DOCK1: variants seen among roughly 807,000 people sequenced by gnomAD.
The protein encoded by DOCK1 is dedicator of cytokinesis 1.
In DOCK1, 138 loss-of-function variants were observed where a neutral mutation model predicts 262.7. That is an observed-to-expected ratio of 0.53 (90% CI 0.46 to 0.61). The LOEUF is 0.61. DOCK1 is among the 20% of genes least tolerant of loss of function. The pLI is 0.00. For synonymous variants in DOCK1, 866 were observed against 867.4 expected (o/e 1.00, Z 0.03); for missense variants, 1,908 against 2,370.7 (o/e 0.80, Z 4.05).
chr10:127,184,321 C>A (rs533613747), intron 27 of DOCK1, among the ~76,000 whole-genome samples: 1 of 151,042 alleles, frequency 6.6e-6, no homozygotes, highest in African/African-American at 2.4e-5. Context: ...ATTCCCCCCC[C>A]AGTCTAATCC....
chr10:127,037,773 A>C lies in DOCK1; in HGVS notation c.1967A>C (p.Asn656Thr), dbSNP rs2135583262. 3.1e-6 allele frequency: 5 copies of C among 1,602,146 alleles called. No individual in the cohort carries two copies. Among genetic ancestry groups the C allele is most frequent in the East Asian group, 2.2e-5 (1 of 44,564 alleles). ...TCCAACACCAGCCTGCTGCAGCAGAACTTGAGGCAGCTGATGAAAGTCGAT... is the reference window on the plus strand; with the variant it reads ...TCCAACACCAGCCTGCTGCAGCAGACCTTGAGGCAGCTGATGAAAGTCGAT... ...WRSNTSLLQQNLRQLMKVDGG... is the reference protein window; with the variant it reads ...WRSNTSLLQQTLRQLMKVDGG... The change falls in exon 19 of 52, where the codon AAC becomes ACC. Residue 656 changes from asparagine (N) to threonine (T), a missense_variant. Asn to Thr is a moderately conservative substitution (Grantham distance 65, BLOSUM62 0). This residue lies in a region of DOCK1 where 294 missense variants were observed against 439.9 expected (regional missense o/e 0.67). Coordinates refer to ENST00000623213, the MANE Select transcript of DOCK1 (RefSeq NM_001290223.2).
intron 29 of DOCK1, among the ~76,000 whole-genome samples, chr10:127,308,614 C>T (rs1055817546): frequency 2.4e-4 from 37 of 152,112 alleles, no homozygotes; most frequent in African/African-American, 8.7e-4. Context: ...GGCCCTGGTA[C>T]GCGTTGTTCT....
chr10:127,048,594 T>C (rs541917645), intron 21 of DOCK1, among the ~76,000 whole-genome samples: 32 of 152,332 alleles, frequency 2.1e-4, no homozygotes, highest in African/African-American at 7.7e-4. Flanking sequence ...CCAAAGGTCT[T>C]AACAATGCCT....
chr10:127,195,117 G>T (rs972038271), intron 27 of DOCK1, among the ~76,000 whole-genome samples: 1 of 152,204 alleles, frequency 6.6e-6, no homozygotes, highest in East Asian at 1.9e-4. Context: ...TTTTTGGGTA[G>T]TAGAATGCTG....
chr10:127,054,764 A>C (rs898151097), intron 22 of DOCK1, among the ~76,000 whole-genome samples: 1 of 152,164 alleles, frequency 6.6e-6, no homozygotes, highest in African/African-American at 2.4e-5. Flanking sequence ...AAAAATGTTA[A>C]TTTTGTGCAG....
In DOCK1 at chr10:127,447,276, G is replaced by T; in HGVS notation, c.5414-118G>T. The T allele has an allele frequency of 2.1e-6, 3 of 1,436,768 alleles. No individual in the cohort carries two copies. The South Asian group carries it at 3.9e-5, about 18-fold the overall frequency. 89.0% of individuals were successfully genotyped at this position (1,436,768 alleles called of 1,614,324 possible). On this transcript the variant is annotated intron_variant, in intron 50 of 51. Coordinates refer to ENST00000623213, the MANE Select transcript of DOCK1 (RefSeq NM_001290223.2). Reference sequence around the variant, plus strand: ...TCTGCTCTGTTGACAAACGTTTTCTGCCAGATGAAGTGTTTCTGCTGTGCC... The same window carrying T: ...TCTGCTCTGTTGACAAACGTTTTCTTCCAGATGAAGTGTTTCTGCTGTGCC...
At chr10:127,136,607 A>C (rs1273252465) in intron 27 of DOCK1, 1 of 152,674 alleles carries the variant, frequency 6.5e-6, no homozygotes, top group Non-Finnish European at 1.5e-5. Context: ...GGTGCAAAGA[A>C]ATGAGTGAAA....
intron 34 of DOCK1, 39 bp downstream of exon 34, chr10:127,373,905 T>C (rs758894709): frequency 2.7e-5 from 43 of 1,576,788 alleles, no homozygotes; most frequent in Non-Finnish European, 3.6e-5. Flanking sequence ...GTCTGAGAGA[T>C]ACAGAGACAG....
rs1025309702 is a variant in DOCK1, at chr10:127,425,375, G to A, written c.4777-499G>A. ...ATGGATATTTTGTGACAGCAGTGTC[G>A]CAGAGAAGCGATTATTTTTAGTTTT... On this transcript the variant is annotated intron_variant, in intron 46 of 51. Transcript: ENST00000623213. 2.6e-5 allele frequency among the ~76,000 whole-genome samples: 4 copies of A among 152,178 alleles called. No homozygotes were observed. In the East Asian group the frequency reaches 5.8e-4, roughly 22 times the overall value.
chr10:127,428,632 A>T (rs1445267805), intron 47 of DOCK1, among the ~76,000 whole-genome samples: 12 of 76,178 alleles, frequency 1.6e-4, no homozygotes, highest in Admixed American at 1.2e-3. Flanking sequence ...TTGGGGTGTC[A>T]TGTGGATTGG....
At chr10:127,195,646 C>T (rs938169103) in intron 27 of DOCK1, among the ~76,000 whole-genome samples, 1 of 152,178 alleles carries the variant, frequency 6.6e-6, no homozygotes, top group Non-Finnish European at 1.5e-5. Context: ...TTTTGCCTGG[C>T]TAGGGCTGTC....
chr10:126,981,235 C>T (rs2038951237), intron 3 of DOCK1, among the ~76,000 whole-genome samples: 1 of 152,144 alleles, frequency 6.6e-6, no homozygotes, highest in Admixed American at 6.5e-5. Context: ...TCGTGCCTGG[C>T]CTCGGACCCA....
chr10:126,963,640 C>CCTTCCTTCCTTCCTTCCTTCCTTCCT (rs2037434249), intron 1 of DOCK1, among the ~76,000 whole-genome samples: 8 of 65,096 alleles, frequency 1.2e-4, no homozygotes, highest in African/African-American at 5.3e-4. Context: ...CTTCCCTTCC[C>CCTTCCTTCCTTCCTTCCTTCCTTCCT]TCCTTCCTTC....
At chr10:127,282,444 C>A (rs1193710900) in intron 29 of DOCK1, among the ~76,000 whole-genome samples, 1 of 152,210 alleles carries the variant, frequency 6.6e-6, no homozygotes, top group Non-Finnish European at 1.5e-5. Flanking sequence ...CTGAGAGACA[C>A]AGGCAGGATT....
chr10:126,926,944 G>A (rs1591340515), intron 1 of DOCK1, among the ~76,000 whole-genome samples: 1 of 152,196 alleles, frequency 6.6e-6, no homozygotes, highest in Admixed American at 6.5e-5. Flanking sequence ...TACTTTGTGT[G>A]GCAGCCCCGG....
At chr10:127,058,255 G>T (rs2045297891) in intron 22 of DOCK1, among the ~76,000 whole-genome samples, 1 of 152,082 alleles carries the variant, frequency 6.6e-6, no homozygotes, top group African/African-American at 2.4e-5. Context: ...TTGAAGCTGT[G>T]TTATTGGGGG....
intron 31 of DOCK1, among the ~76,000 whole-genome samples, chr10:127,349,562 G>C (rs538610710): frequency 1.3e-5 from 2 of 152,188 alleles, no homozygotes; most frequent in South Asian, 4.1e-4. Flanking sequence ...CCTTTGATTG[G>C]GTCAGAATAT....
chr10:127,099,110 TG>T (rs1374192401), intron 23 of DOCK1, among the ~76,000 whole-genome samples: 1 of 151,830 alleles, frequency 6.6e-6, no homozygotes, highest in Non-Finnish European at 1.5e-5. Flanking sequence ...TCAAACTGGA[TG>T]GGGAAGACAA....
At chr10:127,298,691 CA>C (rs936036372) in intron 29 of DOCK1, among the ~76,000 whole-genome samples, 33 of 152,334 alleles carry the variant, frequency 2.2e-4, no homozygotes, top group African/African-American at 7.5e-4. Context: ...AAATTGTTAG[CA>C]GTTGATTTCG....
Sources: allele counts gnomAD v4.1 joint callset (sites outside exome capture counted in the v4.1 genomes callset), GRCh38; gene constraint gnomAD v4.1.1; regional missense constraint gnomAD v4.1.1; transcripts MANE v1.5; gene names NCBI Gene and HGNC (gene_info 2026-07-23, HGNC 2026-07-21).